Variants in ARMH3 observed in about 807,000 individuals in gnomAD.
ARMH3 encodes the protein armadillo-like helical domain-containing protein 3.
ARMH3 carries 60 observed loss-of-function variants against 99.1 expected under a neutral mutation model. The ratio of observed to expected loss-of-function variants is 0.61; its 90% CI spans 0.49 to 0.75. The LOEUF (loss-of-function observed/expected upper bound fraction) is 0.75, where lower values mean the gene tolerates loss of function less well. Ranked by LOEUF, ARMH3 falls within the 30% of genes least tolerant of loss-of-function variation. The pLI is 0.00. For synonymous variants in ARMH3, 285 were observed against 292.8 expected (o/e 0.97, Z 0.27); for missense variants, 679 against 843.1 (o/e 0.81, Z 2.41).
chr10:101,851,730 C>T (rs1289073689), intron 24 of ARMH3, among the ~76,000 whole-genome samples: 4 of 152,248 alleles, frequency 2.6e-5, no homozygotes, highest in South Asian at 2.1e-4. Flanking sequence ...TTACCGAGTT[C>T]GGTTTGGGAG....
At chr10:101,876,247 C>CAAAAAAAAAA (rs34928343) in intron 24 of ARMH3, among the ~76,000 whole-genome samples, 1 of 83,508 alleles carries the variant, frequency 1.2e-5, no homozygotes. Flanking sequence ...GGCTCCATCT[C>CAAAAAAAAAA]AAAAAAAAAA....
rs564938236 is a variant in ARMH3 at position 101,873,626 on chromosome 10, A to AT, written c.1860+15785dup. Among the ~76,000 whole-genome samples the AT allele has an allele frequency of 7.2e-4, 110 of 152,312 alleles. No individual in the cohort carries two copies. In the South Asian group the frequency reaches 0.022, roughly 30 times the overall value. ...CAACCCAAAAAGAAATCCCGTACTC[A>AT]TTAGCAGTCCCTCCCCACCCTGCTC... is the stretch of plus-strand genomic sequence containing the variant. On this transcript the variant is annotated intron_variant, in intron 24 of 25. Coordinates refer to ENST00000370033, the MANE Select transcript of ARMH3 (RefSeq NM_024541.3).
Position 102,052,887 on chromosome 10 carries a change from G to A in ARMH3, c.-12+3198C>T, listed in dbSNP as rs192095288. On this transcript the variant is annotated intron_variant, in intron 1 of 25. Transcript: ENST00000370033. ...TACATCCTACAAGCAACCTGAGCTC[G>A]GCATACCAAACCATATCCCCTATGC... 2.0e-4 allele frequency among the ~76,000 whole-genome samples: 31 copies of A among 151,982 alleles called. No homozygotes were observed. In the South Asian group the frequency reaches 3.3e-3, roughly 16 times the overall value.
At chr10:101,885,916 G>A (rs2067528793) in intron 24 of ARMH3, among the ~76,000 whole-genome samples, 1 of 152,032 alleles carries the variant, frequency 6.6e-6, no homozygotes, top group South Asian at 2.1e-4. Flanking sequence ...AATTAGCTGA[G>A]CGTGGTGGTG....
In ARMH3 at chr10:102,013,776, T is replaced by C. The variant is rs563679673; in HGVS notation, c.726+192A>G. Among the ~76,000 whole-genome samples, 10 of 152,320 alleles carry C rather than the reference T, an allele frequency of 6.6e-5. No homozygotes were observed. The East Asian group carries it at 1.9e-3, about 29-fold the overall frequency. Reference sequence around the variant, plus strand: ...AAGCAAATGTCCCCTCAAATCTTCCTTCCATGATAATAAGTCAGAAGACAG... The same window carrying C: ...AAGCAAATGTCCCCTCAAATCTTCCCTCCATGATAATAAGTCAGAAGACAG... On this transcript the variant is annotated intron_variant, in intron 9 of 25. Transcript: ENST00000370033.
At chr10:102,024,818 CAA>C (rs200581743) in intron 6 of ARMH3, among the ~76,000 whole-genome samples, 36 of 101,242 alleles carry the variant, frequency 3.6e-4, no homozygotes, top group Middle Eastern at 5.5e-3. Context: ...GACTCTGTCT[CAA>C]AAAAAAAAAA....
At chr10:101,961,437 A>G (rs1344039202) in intron 20 of ARMH3, among the ~76,000 whole-genome samples, 2 of 152,098 alleles carry the variant, frequency 1.3e-5, no homozygotes, top group Admixed American at 6.5e-5. Flanking sequence ...GGGAGCCAAG[A>G]TCCCCTTTCT....
intron 23 of ARMH3, among the ~76,000 whole-genome samples, chr10:101,892,243 G>A (rs1056593668): frequency 6.6e-5 from 10 of 151,880 alleles, no homozygotes; most frequent in South Asian, 2.1e-4. Flanking sequence ...CCAGGAGTTC[G>A]AGACCAGCCT....
chr10:102,046,122 C>T (rs551928295), intron 1 of ARMH3, among the ~76,000 whole-genome samples: 1 of 151,514 alleles, frequency 6.6e-6, no homozygotes, highest in Non-Finnish European at 1.5e-5. Flanking sequence ...AAATAACAAC[C>T]AGAGTCTATT....
At chr10:101,927,239 T>C (rs770105498) in intron 23 of ARMH3, among the ~76,000 whole-genome samples, 11 of 152,180 alleles carry the variant, frequency 7.2e-5, no homozygotes, top group Non-Finnish European at 1.5e-5. Flanking sequence ...AAATTATAGG[T>C]AGGAGATCCA....
intron 22 of ARMH3, among the ~76,000 whole-genome samples, chr10:101,940,657 T>A (rs1844200311): frequency 6.6e-6 from 1 of 152,122 alleles, no homozygotes; most frequent in South Asian, 2.1e-4. Context: ...TGTGTCGAAG[T>A]GTTCTCATTT....
intron 20 of ARMH3, among the ~76,000 whole-genome samples, chr10:101,960,620 G>A (rs1845250634): frequency 1.3e-5 from 2 of 152,140 alleles, no homozygotes; most frequent in South Asian, 4.1e-4. Context: ...GCCAGGTACA[G>A]TGGCTCATGC....
intron 7 of ARMH3, 23 bp downstream of exon 7, chr10:102,023,652 A>T: frequency 6.2e-7 from 1 of 1,610,980 alleles, no homozygotes; most frequent in Non-Finnish European, 8.5e-7. Context: ...TACCCCAAAG[A>T]GAGGAGGTAA....
chr10:101,858,568 C>T (rs2066787051), intron 24 of ARMH3, among the ~76,000 whole-genome samples: 1 of 152,168 alleles, frequency 6.6e-6, no homozygotes, highest in Non-Finnish European at 1.5e-5. Flanking sequence ...ATTTCCACAG[C>T]TTCCCTTTCA....
rs566625016 is a variant in ARMH3, at chr10:101,887,931, T to C, written c.1860+1481A>G. On this transcript the variant is annotated intron_variant, in intron 24 of 25. Transcript: ENST00000370033. ...GCTTGCTAATCATCCTTTCACAGAT[T>C]GCCTTGTGTGCCAGAAAGGATTTTT... 1.5e-4 allele frequency among the ~76,000 whole-genome samples: 23 copies of C among 152,164 alleles called. No individual in the cohort carries two copies. In the South Asian group the frequency reaches 4.6e-3, roughly 30 times the overall value.
At chr10:102,034,806 G>A (rs900739867) in intron 2 of ARMH3, among the ~76,000 whole-genome samples, 1 of 152,134 alleles carries the variant, frequency 6.6e-6, no homozygotes, top group African/African-American at 2.4e-5. Context: ...TACTCGGGAG[G>A]CTGAGGCAGG....
intron 23 of ARMH3, among the ~76,000 whole-genome samples, chr10:101,928,300 G>A (rs900117672): frequency 1.3e-5 from 2 of 152,116 alleles, no homozygotes; most frequent in East Asian, 1.9e-4. Flanking sequence ...TATCTACAAG[G>A]CTTCAAATGA....
At chr10:101,866,395 AATTGCTTGATAT>A (rs2067003786) in intron 24 of ARMH3, among the ~76,000 whole-genome samples, 1 of 151,924 alleles carries the variant, frequency 6.6e-6, no homozygotes, top group African/African-American at 2.4e-5. Flanking sequence ...GAAGAGGCTG[AATTGCTTGATAT>A]GTACCACAGA....
intron 20 of ARMH3, among the ~76,000 whole-genome samples, chr10:101,973,380 A>G (rs1419645537): frequency 6.6e-6 from 1 of 151,204 alleles, no homozygotes; most frequent in Non-Finnish European, 1.5e-5. Context: ...AAAAAAAAAG[A>G]AAAAAGATAA....
Sources: allele counts gnomAD v4.1 joint callset (sites outside exome capture counted in the v4.1 genomes callset), GRCh38; gene constraint gnomAD v4.1.1; transcripts MANE v1.5; gene names NCBI Gene and HGNC (gene_info 2026-07-23, HGNC 2026-07-21).